Variants in UNC5A observed in about 807,000 individuals in gnomAD.
UNC5A encodes the protein unc-5 netrin receptor A, also known as netrin receptor UNC5A.
UNC5A carries 20 observed loss-of-function variants against 87.4 expected under a neutral mutation model. The ratio of observed to expected loss-of-function variants is 0.23; its 90% CI spans 0.16 to 0.33. The LOEUF (loss-of-function observed/expected upper bound fraction) is 0.33. Among genes scored for constraint, UNC5A ranks in the 10% least tolerant of loss-of-function variants. UNC5A has a pLI of 1.00. For synonymous variants in UNC5A, 438 were observed against 482.3 expected (o/e 0.91, Z 1.20); for missense variants, 844 against 1,133.4 (o/e 0.74, Z 3.67).
intron 2 of UNC5A, among the ~76,000 whole-genome samples, chr5:176,867,125 G>A (rs1373043363): frequency 6.6e-6 from 1 of 152,206 alleles, no homozygotes; most frequent in Non-Finnish European, 1.5e-5. Flanking sequence ...AAACACATTG[G>A]CTGCCGGCCT....
chr5:176,869,655 A>G lies in UNC5A; in HGVS notation c.721+691A>G. On this transcript the variant is annotated intron_variant, in intron 5 of 14. Coordinates refer to ENST00000329542, the MANE Select transcript of UNC5A (RefSeq NM_133369.3). The surrounding 1 kb of genome is among the most constrained non-coding windows in gnomAD (Gnocchi z 9.1). ...GACGTGGACCGAGTGGTCCGTCTGC[A>G]GCGCCAGCTGTGGGCGCGGCTGGCA... The G allele has an allele frequency of 1.4e-6, 1 of 699,892 alleles. No individual in the cohort carries two copies. Among genetic ancestry groups the G allele is most frequent in the Non-Finnish European group, 2.6e-6 (1 of 383,326 alleles). The allele number at this position is 699,892 out of a possible 1,614,324, so 43.4% of individuals were successfully genotyped here.
intron 1 of UNC5A, among the ~76,000 whole-genome samples, chr5:176,851,447 G>T (rs1472462228): frequency 6.6e-6 from 1 of 152,242 alleles, no homozygotes. Flanking sequence ...CTCTGGCGGG[G>T]CACACATTAA....
At chr5:176,823,077 G>GT (rs1282746752) in intron 1 of UNC5A, among the ~76,000 whole-genome samples, 2 of 151,814 alleles carry the variant, frequency 1.3e-5, no homozygotes, top group African/African-American at 4.8e-5. Context: ...ATGACGAGGC[G>GT]TCCCTCCCTG....
At chr5:176,862,483 T>C (rs746123139) in intron 1 of UNC5A, 141 bp from the exon 2 acceptor site, 1 of 824,254 alleles carries the variant, frequency 1.2e-6, no homozygotes, top group Middle Eastern at 3.4e-4. Context: ...TGGCCTGAGA[T>C]TGCCCAGCTG....
At chr5:176,852,084 G>A (rs1295590618) in intron 1 of UNC5A, among the ~76,000 whole-genome samples, 4 of 152,170 alleles carry the variant, frequency 2.6e-5, no homozygotes, top group East Asian at 1.9e-4. Flanking sequence ...TTGGCCTCTC[G>A]CCTTTTGGGG....
At chr5:176,876,552 C>T (rs1229930196) in intron 8 of UNC5A, among the ~76,000 whole-genome samples, 3 of 152,232 alleles carry the variant, frequency 2.0e-5, no homozygotes, top group Non-Finnish European at 4.4e-5. Context: ...CCCCTCTCCA[C>T]TCACACGCTG....
intron 1 of UNC5A, among the ~76,000 whole-genome samples, chr5:176,853,740 C>T (rs1305833390): frequency 2.0e-5 from 3 of 152,108 alleles, no homozygotes; most frequent in Non-Finnish European, 4.4e-5. Flanking sequence ...TCCCCACCTT[C>T]GTGCATTCAC....
chr5:176,817,042 G>A (rs1306060306), intron 1 of UNC5A, among the ~76,000 whole-genome samples: 1 of 152,220 alleles, frequency 6.6e-6, no homozygotes, highest in Non-Finnish European at 1.5e-5. Context: ...AGTCTGAGTG[G>A]CAGCTGCTCA....
intron 1 of UNC5A, among the ~76,000 whole-genome samples, chr5:176,835,675 G>A (rs1187073172): frequency 6.6e-6 from 1 of 152,068 alleles, no homozygotes; most frequent in Admixed American, 6.5e-5. Flanking sequence ...TTGTGCACCT[G>A]AGCATGAGTG....
intron 1 of UNC5A, among the ~76,000 whole-genome samples, chr5:176,837,811 G>C (rs570446635): frequency 6.6e-6 from 1 of 152,002 alleles, no homozygotes; most frequent in Non-Finnish European, 1.5e-5. Context: ...CACAGATAGC[G>C]GTCCTGGACG....
chr5:176,846,649 A>G (rs1757410188), intron 1 of UNC5A, among the ~76,000 whole-genome samples: 1 of 152,124 alleles, frequency 6.6e-6, no homozygotes, highest in Non-Finnish European at 1.5e-5. Context: ...CACTTGGATG[A>G]TCTCACCAGT....
At chr5:176,870,337 G>C (rs200071473) in intron 5 of UNC5A, 33 bp from the exon 6 acceptor site, 54 of 1,605,358 alleles carry the variant, frequency 3.4e-5, no homozygotes, top group Non-Finnish European at 4.2e-5. Context: ...CAGGCTGACC[G>C]CACCGTCTCC....
At position 176,865,157 on chromosome 5, in the gene UNC5A, C is replaced by T. The variant is rs980380229; in HGVS notation, c.292+2312C>T. On this transcript the variant is annotated intron_variant, in intron 2 of 14. Transcript: ENST00000329542. This position sits in a 1 kb window ranked among gnomAD's most constrained non-coding sequence, Gnocchi z 5.3. ...TCCCCACCCCACACCCGGGGCCCAG[C>T]GTCCCTTCAGCATAAGTTCTCCCAC... is the stretch of plus-strand genomic sequence containing the variant. 6.6e-6 allele frequency among the ~76,000 whole-genome samples: 1 copy of T among 152,350 alleles called. No individual in the cohort carries two copies. The highest frequency in any genetic ancestry group is 2.4e-5 in the African/African-American group (1 of 41,578).
rs1037353774 is a variant in UNC5A at position 176,869,285 on chromosome 5, C to A, written c.721+321C>A. Among the ~76,000 whole-genome samples, 2 of 152,142 alleles carry A rather than the reference C, an allele frequency of 1.3e-5. No homozygotes were observed. Among genetic ancestry groups the A allele is most frequent in the African/African-American group, 4.8e-5 (2 of 41,424 alleles). On this transcript the variant is annotated intron_variant, in intron 5 of 14. Transcript: ENST00000329542. This position sits in a 1 kb window ranked among gnomAD's most constrained non-coding sequence, Gnocchi z 9.1. ...TCCAAGGGGGGAATCAGAAGCCACA[C>A]AGTCCAGGCACCCCCAGGAGCCAGC... is the stretch of plus-strand genomic sequence containing the variant.
At chr5:176,823,403 C>T (rs544810901) in intron 1 of UNC5A, among the ~76,000 whole-genome samples, 5 of 151,942 alleles carry the variant, frequency 3.3e-5, no homozygotes, top group Non-Finnish European at 7.4e-5. Context: ...GCCAAGGGAG[C>T]GGAACAGCGT....
chr5:176,819,152 C>T (rs572618090), intron 1 of UNC5A, among the ~76,000 whole-genome samples: 1 of 152,308 alleles, frequency 6.6e-6, no homozygotes, highest in African/African-American at 2.4e-5. Flanking sequence ...GCCAGCCCTC[C>T]CCAGCCCTCT....
intron 1 of UNC5A, among the ~76,000 whole-genome samples, chr5:176,818,690 A>G (rs940956689): frequency 2.6e-5 from 4 of 152,134 alleles, no homozygotes; most frequent in Non-Finnish European, 5.9e-5. Context: ...GGGCTCTCCT[A>G]TGTGGCTATT....
rs530021071 is a variant in UNC5A at position 176,865,763 on chromosome 5, T to C, written c.293-2367T>C. 2.9e-5 allele frequency: 13 copies of C among 441,926 alleles called. No homozygotes were observed. The East Asian group carries it at 9.2e-4, about 31-fold the overall frequency. 27.4% of individuals were successfully genotyped at this position (441,926 alleles called of 1,614,324 possible). A position where few individuals can be genotyped will look rare whatever the true frequency, so the allele number is the denominator to read the frequency against. On this transcript the variant is annotated intron_variant, in intron 2 of 14. Transcript: ENST00000329542. The surrounding 1 kb of genome is among the most constrained non-coding windows in gnomAD (Gnocchi z 5.3). ...AGGCCCACCCAGCTCTGCAGCCCAC[T>C]CATTCATGTGTGGGGCTGGAGGTGG...
chr5:176,823,512 G>A (rs932395065), intron 1 of UNC5A, among the ~76,000 whole-genome samples: 4 of 152,102 alleles, frequency 2.6e-5, no homozygotes, highest in Non-Finnish European at 4.4e-5. Context: ...GGGGCCATCC[G>A]GTTTCCTTTA....
Sources: allele counts gnomAD v4.1 joint callset (sites outside exome capture counted in the v4.1 genomes callset), GRCh38; gene constraint gnomAD v4.1.1; non-coding constraint Gnocchi (gnomAD v3.1); transcripts MANE v1.5; gene names NCBI Gene and HGNC (gene_info 2026-07-23, HGNC 2026-07-21).